The following TRHDE variants were observed in gnomAD, a reference collection of about 807,000 sequenced individuals.
The protein encoded by TRHDE is thyrotropin releasing hormone degrading enzyme.
A neutral mutation model predicts 125.7 loss-of-function variants in TRHDE; 72 were observed. The observed-to-expected ratio is 0.57, with a 90% confidence interval of 0.47 to 0.70. The LOEUF is 0.70. TRHDE is among the 30% of genes least tolerant of loss of function. The pLI is 0.00. For missense variants in TRHDE, 1,110 were observed against 1,327.1 expected, an observed-to-expected ratio of 0.84 and a Z score of 2.54; for synonymous variants, 509 against 509.1, an observed-to-expected ratio of 1.00 and a Z score of 0.00.
At chr12:72,247,884 T>C (rs1355162233) in intron 2 of TRHDE, among the ~76,000 whole-genome samples, 1 of 152,196 alleles carries the variant, frequency 6.6e-6, no homozygotes. Context: ...CATCTATGTA[T>C]CTATGTATTT....
At chr12:72,174,093 A>T (rs1456455797) in intron 2 of TRHDE, among the ~76,000 whole-genome samples, 2 of 152,188 alleles carry the variant, frequency 1.3e-5, no homozygotes, top group Non-Finnish European at 2.9e-5. Context: ...AACTTGAAAA[A>T]TGCTTGTGCT....
At chr12:72,442,855 A>G (rs1875083808) in intron 3 of TRHDE, among the ~76,000 whole-genome samples, 1 of 151,656 alleles carries the variant, frequency 6.6e-6, no homozygotes, top group Admixed American at 6.6e-5. Context: ...CATCTTAACT[A>G]TTTCTTAATT....
chr12:72,421,337 T>C (rs2135827111), intron 3 of TRHDE, among the ~76,000 whole-genome samples: 1 of 152,274 alleles, frequency 6.6e-6, no homozygotes, highest in South Asian at 2.1e-4. Flanking sequence ...TACTCATGTA[T>C]CTGATAACTG....
intron 2 of TRHDE, among the ~76,000 whole-genome samples, chr12:72,350,360 C>T (rs991489235): frequency 2.0e-5 from 3 of 151,994 alleles, no homozygotes; most frequent in Admixed American, 1.3e-4. Context: ...TGATAGCTCC[C>T]ACACATCTCT....
At chr12:72,494,040 C>G (rs1211266598) in intron 5 of TRHDE, among the ~76,000 whole-genome samples, 1 of 152,006 alleles carries the variant, frequency 6.6e-6, no homozygotes, top group Non-Finnish European at 1.5e-5. Context: ...TTTCTTATCC[C>G]AGAACCAGGC....
chr12:72,490,098 G>A (rs1479052650), intron 5 of TRHDE, among the ~76,000 whole-genome samples: 2 of 151,624 alleles, frequency 1.3e-5, no homozygotes, highest in Non-Finnish European at 3.0e-5. Flanking sequence ...TATCTGATAA[G>A]GTATTGATGT....
intron 12 of TRHDE, among the ~76,000 whole-genome samples, chr12:72,583,230 ATTG>A: frequency 6.6e-6 from 1 of 152,214 alleles, no homozygotes; most frequent in East Asian, 1.9e-4. Flanking sequence ...ACTACGATTT[ATTG>A]TTGACTATAT....
chr12:72,640,004 G>A (rs1332224941), intron 15 of TRHDE, among the ~76,000 whole-genome samples: 1 of 152,114 alleles, frequency 6.6e-6, no homozygotes, highest in Non-Finnish European at 1.5e-5. Context: ...GAGGCAGGCA[G>A]GCCTCCTTGA....
intron 2 of TRHDE, among the ~76,000 whole-genome samples, chr12:72,171,805 A>G (rs1270016492): frequency 6.6e-6 from 1 of 152,182 alleles, no homozygotes; most frequent in Non-Finnish European, 1.5e-5. Context: ...TGATTGTCCT[A>G]TCATTATATG....
At chr12:72,276,008 A>G (rs1879475477) in intron 1 of TRHDE, among the ~76,000 whole-genome samples, 1 of 152,086 alleles carries the variant, frequency 6.6e-6, no homozygotes, top group Admixed American at 6.6e-5. Flanking sequence ...TAAATCTTAT[A>G]ATTTCTTGGA....
chr12:72,485,416 C>T (rs1231587093), intron 5 of TRHDE, among the ~76,000 whole-genome samples: 1 of 152,162 alleles, frequency 6.6e-6, no homozygotes, highest in Non-Finnish European at 1.5e-5. Flanking sequence ...TGGAACTGCT[C>T]CAGCCTCTGC....
intron 2 of TRHDE, among the ~76,000 whole-genome samples, chr12:72,193,723 G>T (rs906072858): frequency 3.3e-5 from 5 of 151,958 alleles, no homozygotes; most frequent in Non-Finnish European, 5.9e-5. Context: ...CTTTAAAAGA[G>T]ACAGAAAGAA....
intron 2 of TRHDE, among the ~76,000 whole-genome samples, chr12:72,185,795 CTG>C (rs1452464362): frequency 1.3e-5 from 2 of 148,164 alleles, no homozygotes; most frequent in Admixed American, 6.7e-5. Flanking sequence ...ACTCGGCACT[CTG>C]TATCTAGCTC....
intron 2 of TRHDE, among the ~76,000 whole-genome samples, chr12:72,340,428 A>G (rs770754972): frequency 6.6e-6 from 1 of 152,160 alleles, no homozygotes; most frequent in Non-Finnish European, 1.5e-5. Flanking sequence ...TGAGTTTGCT[A>G]TGAGGAACTG....
chr12:72,480,147 G>A (rs149673591), intron 5 of TRHDE, among the ~76,000 whole-genome samples: 1 of 151,924 alleles, frequency 6.6e-6, no homozygotes, highest in Non-Finnish European at 1.5e-5. Context: ...CTTCATAGTA[G>A]CATGATTTAT....
chr12:72,495,264 C>A (rs1198942955), intron 5 of TRHDE, among the ~76,000 whole-genome samples: 1 of 151,922 alleles, frequency 6.6e-6, no homozygotes, highest in Non-Finnish European at 1.5e-5. Context: ...CACCACATCC[C>A]ACTTCCTGTC....
Position 72,474,483 on chromosome 12 carries a change from A to C in TRHDE, c.1584+1303A>C, listed in dbSNP as rs921636567. Among the ~76,000 whole-genome samples the C allele has an allele frequency of 3.9e-5, 6 of 152,052 alleles. No homozygotes were observed. In the East Asian group the frequency reaches 9.6e-4, roughly 24 times the overall value. On this transcript the variant is annotated intron_variant, in intron 5 of 18. Transcript: ENST00000261180. ...CACCATTTTATTCTCTGCTTCTGTG[A>C]ATTTGACTATTTTAGATTTCTTATA...
intron 2 of TRHDE, among the ~76,000 whole-genome samples, chr12:72,177,413 A>G (rs1877011961): frequency 6.6e-6 from 1 of 152,196 alleles, no homozygotes; most frequent in Non-Finnish European, 1.5e-5. Context: ...AGTGGCATTT[A>G]TCTAGGAATG....
At chr12:72,419,098 C>T (rs1304269146) in intron 3 of TRHDE, among the ~76,000 whole-genome samples, 1 of 152,052 alleles carries the variant, frequency 6.6e-6, no homozygotes, top group Admixed American at 6.6e-5. Flanking sequence ...GCAGCTTTGC[C>T]ATCCAAGAGT....
Sources: allele counts gnomAD v4.1 joint callset (sites outside exome capture counted in the v4.1 genomes callset), GRCh38; gene constraint gnomAD v4.1.1; transcripts MANE v1.5; gene names NCBI Gene and HGNC (gene_info 2026-07-23, HGNC 2026-07-21).